ERBB4: variants seen among roughly 807,000 people sequenced by gnomAD.
The protein encoded by ERBB4 is receptor tyrosine-protein kinase erbB-4.
A neutral mutation model predicts 158.0 loss-of-function variants in ERBB4; 42 were observed. That is an observed-to-expected ratio of 0.27 (90% CI 0.21 to 0.34). The LOEUF is 0.34. Among genes scored for constraint, ERBB4 ranks in the 10% least tolerant of loss-of-function variants. ERBB4 has a pLI of 1.00. For missense variants in ERBB4, 1,333 were observed against 1,624.1 expected (o/e 0.82, Z 3.08); for synonymous variants, 583 against 558.7 (o/e 1.04, Z -0.61).
intron 1 of ERBB4, among the ~76,000 whole-genome samples, 194 bp downstream of exon 1, chr2:212,538,255 G>T (rs960081319): frequency 2.6e-5 from 4 of 152,164 alleles, no homozygotes; most frequent in South Asian, 2.1e-4. Flanking sequence ...GATTTTTCAC[G>T]ATAAATAAAG....
intron 7 of ERBB4, among the ~76,000 whole-genome samples, chr2:211,717,966 T>C (rs1018365579): frequency 6.6e-6 from 1 of 152,142 alleles, no homozygotes; most frequent in African/African-American, 2.4e-5. Context: ...TGGAGTGCAA[T>C]TGCATGATCC....
chr2:212,017,852 G>T (rs986818120), intron 2 of ERBB4, among the ~76,000 whole-genome samples: 1 of 152,100 alleles, frequency 6.6e-6, no homozygotes, highest in African/African-American at 2.4e-5. Flanking sequence ...TTAGCAAAAT[G>T]ATTCCTGAGA....
At chr2:211,820,942 ATACG>A (rs1260413991) in intron 3 of ERBB4, among the ~76,000 whole-genome samples, 2 of 151,852 alleles carry the variant, frequency 1.3e-5, no homozygotes, top group East Asian at 3.8e-4. Flanking sequence ...TGCCAAACTC[ATACG>A]TAACATCAAA....
intron 1 of ERBB4, among the ~76,000 whole-genome samples, chr2:212,320,628 G>A (rs1473785874): frequency 6.7e-6 from 1 of 149,674 alleles, no homozygotes; most frequent in African/African-American, 2.4e-5. Flanking sequence ...AAAGGCTTGA[G>A]GGTGCTACCA....
chr2:212,269,660 A>C (rs1179722742), intron 1 of ERBB4, among the ~76,000 whole-genome samples: 2 of 151,868 alleles, frequency 1.3e-5, no homozygotes, highest in Non-Finnish European at 2.9e-5. Flanking sequence ...TTTTGTGTCT[A>C]AAGTGTTGAT....
At chr2:211,918,963 T>A (rs894772014) in intron 3 of ERBB4, among the ~76,000 whole-genome samples, 1 of 152,148 alleles carries the variant, frequency 6.6e-6, no homozygotes, top group Non-Finnish European at 1.5e-5. Flanking sequence ...CTAACTGATA[T>A]ACTAACTGCT....
rs563889601 is a variant in ERBB4 at position 212,199,877 on chromosome 2, G to A, written c.83-74974C>T. On this transcript the variant is annotated intron_variant, in intron 1 of 27. Transcript: ENST00000342788. ...ACTGCCAGTCTGACCTATGTCCCTA[G>A]CATGGAGTCAGGCCAGTGAAGTATG... 5.0e-5 allele frequency among the ~76,000 whole-genome samples: 5 copies of A among 100,270 alleles called. No homozygotes were observed. The South Asian group carries it at 1.6e-3, about 33-fold the overall frequency. The allele number at this position is 100,270 out of a possible 152,430, so 65.8% of individuals were successfully genotyped here.
intron 2 of ERBB4, among the ~76,000 whole-genome samples, chr2:212,086,057 T>C (rs1204241045): frequency 1.3e-5 from 2 of 151,958 alleles, no homozygotes; most frequent in Admixed American, 1.3e-4. Flanking sequence ...ACGGTTGGAA[T>C]TGCTATCAAC....
intron 1 of ERBB4, among the ~76,000 whole-genome samples, chr2:212,130,113 A>G (rs2080067146): frequency 6.6e-6 from 1 of 152,148 alleles, no homozygotes; most frequent in South Asian, 2.1e-4. Context: ...CTGTTTATCA[A>G]AACACAATTG....
chr2:211,414,418 C>A (rs1285481998), intron 25 of ERBB4, among the ~76,000 whole-genome samples: 1 of 150,452 alleles, frequency 6.6e-6, no homozygotes, highest in African/African-American at 2.4e-5. Context: ...ATTGCTTGAA[C>A]CTGGGAGGCA....
At chr2:211,951,450 A>AC (rs1277651951) in intron 2 of ERBB4, among the ~76,000 whole-genome samples, 1 of 152,176 alleles carries the variant, frequency 6.6e-6, no homozygotes, top group African/African-American at 2.4e-5. Flanking sequence ...ATAAAGAAGG[A>AC]CCAACTAATG....
At chr2:212,451,021 AT>A (rs1238439602) in intron 1 of ERBB4, among the ~76,000 whole-genome samples, 2 of 151,996 alleles carry the variant, frequency 1.3e-5, no homozygotes, top group Non-Finnish European at 2.9e-5. Flanking sequence ...GTCCTGGCTA[AT>A]TTTTTTATTT....
chr2:212,078,604 A>G (rs2078341382), intron 2 of ERBB4, among the ~76,000 whole-genome samples: 1 of 151,854 alleles, frequency 6.6e-6, no homozygotes, highest in Admixed American at 6.6e-5. Context: ...GTGGTGTTGT[A>G]TTTTTCTAAT....
chr2:211,709,232 T>A (rs1169646065), intron 9 of ERBB4, among the ~76,000 whole-genome samples: 3 of 111,270 alleles, frequency 2.7e-5, no homozygotes, highest in African/African-American at 1.1e-4. Flanking sequence ...TATGCGTGTG[T>A]GTGTATATAT....
intron 1 of ERBB4, among the ~76,000 whole-genome samples, chr2:212,289,495 G>A (rs890405717): frequency 5.9e-5 from 9 of 152,160 alleles, no homozygotes; most frequent in African/African-American, 1.7e-4. Flanking sequence ...TCAAGATCCT[G>A]AGTCAGCCAT....
intron 1 of ERBB4, among the ~76,000 whole-genome samples, chr2:212,455,835 T>A (rs1198207522): frequency 6.6e-6 from 1 of 152,178 alleles, no homozygotes; most frequent in African/African-American, 2.4e-5. Context: ...GTTAAAAGTA[T>A]AACATTTATT....
intron 20 of ERBB4, among the ~76,000 whole-genome samples, chr2:211,444,960 AT>A (rs941812143): frequency 7.9e-5 from 12 of 152,110 alleles, no homozygotes; most frequent in African/African-American, 2.4e-4. Context: ...AAATATTTAA[AT>A]TTTTGGATAA....
At chr2:212,453,301 A>C (rs1400445589) in intron 1 of ERBB4, among the ~76,000 whole-genome samples, 2 of 152,204 alleles carry the variant, frequency 1.3e-5, no homozygotes, top group Non-Finnish European at 2.9e-5. Flanking sequence ...TTCCCATTTA[A>C]GGTCCATGGG....
chr2:211,959,243 T>C (rs773592478), intron 2 of ERBB4, among the ~76,000 whole-genome samples: 1 of 152,060 alleles, frequency 6.6e-6, no homozygotes, highest in Non-Finnish European at 1.5e-5. Flanking sequence ...GTGAGCAAAA[T>C]AGACATGGTT....
Sources: gnomAD v4.1 joint callset for allele counts (sites outside exome capture counted in the v4.1 genomes callset) on GRCh38, gnomAD v4.1.1 for gene constraint, MANE v1.5 for transcripts, NCBI Gene and HGNC (gene_info 2026-07-23, HGNC 2026-07-21) for gene names.